The following ROBO2 variants were observed in gnomAD, a reference collection of about 807,000 sequenced individuals.
The protein encoded by ROBO2 is roundabout guidance receptor 2.
ROBO2 carries 53 observed loss-of-function variants against 160.8 expected under a neutral mutation model. The observed-to-expected ratio is 0.33, with a 90% CI of 0.26 to 0.41. The LOEUF (loss-of-function observed/expected upper bound fraction) is 0.41, where lower values mean the gene tolerates loss of function less well. ROBO2 is among the 10% of genes least tolerant of loss of function. ROBO2 has a pLI of 1.00. For synonymous variants in ROBO2, 664 were observed against 611.7 expected (o/e 1.09, Z -1.26); for missense variants, 1,577 against 1,722.4 (o/e 0.92, Z 1.49).
chr3:77,615,289 A>G (rs2094746531), intron 21 of ROBO2, among the ~76,000 whole-genome samples: 1 of 152,160 alleles, frequency 6.6e-6, no homozygotes, highest in Non-Finnish European at 1.5e-5. Flanking sequence ...CCAACTATCA[A>G]GGTTCTCCAC....
chr3:77,031,678 TTAATG>T (rs1433458280), intron 2 of ROBO2, among the ~76,000 whole-genome samples: 1 of 146,826 alleles, frequency 6.8e-6, no homozygotes, highest in Non-Finnish European at 1.5e-5. Context: ...TATATTAAAT[TTAATG>T]TAATTAATTA....
chr3:77,378,240 G>A (rs544679013), intron 2 of ROBO2, among the ~76,000 whole-genome samples: 1 of 152,216 alleles, frequency 6.6e-6, no homozygotes, highest in East Asian at 1.9e-4. Context: ...TCCCTAACTT[G>A]AAGGTTCAGC....
At chr3:76,719,105 A>G (rs1226134302) in intron 2 of ROBO2, among the ~76,000 whole-genome samples, 1 of 152,178 alleles carries the variant, frequency 6.6e-6, no homozygotes, top group Non-Finnish European at 1.5e-5. Context: ...TTAATTTTAG[A>G]GATAGAAAAT....
chr3:77,329,791 A>G (rs1367787197), intron 2 of ROBO2, among the ~76,000 whole-genome samples: 1 of 152,190 alleles, frequency 6.6e-6, no homozygotes, highest in African/African-American at 2.4e-5. Flanking sequence ...TGTGTTGACC[A>G]GATTATAACC....
chr3:76,123,273 A>AT (rs1431544931), intron 2 of ROBO2, among the ~76,000 whole-genome samples: 2 of 151,982 alleles, frequency 1.3e-5, no homozygotes, highest in Non-Finnish European at 1.5e-5. Context: ...ATTTTTCCCT[A>AT]TTTTTTACTC....
chr3:77,420,335 G>A (rs1231272888), intron 2 of ROBO2, among the ~76,000 whole-genome samples: 7 of 151,950 alleles, frequency 4.6e-5, no homozygotes, highest in Middle Eastern at 6.8e-3. Flanking sequence ...AAGCCTGAAT[G>A]TGTGTATGCA....
intron 2 of ROBO2, among the ~76,000 whole-genome samples, chr3:76,737,960 C>T (rs886492626): frequency 6.6e-6 from 1 of 151,902 alleles, no homozygotes; most frequent in African/African-American, 2.4e-5. Flanking sequence ...GTGGGAGACC[C>T]CACCTCTACA....
At chr3:75,945,551 A>G (rs1220447656) in intron 2 of ROBO2, among the ~76,000 whole-genome samples, 2 of 151,734 alleles carry the variant, frequency 1.3e-5, no homozygotes, top group Non-Finnish European at 2.9e-5. Context: ...TTAAACGGTC[A>G]CTATTGAAGA....
At chr3:76,224,450 T>C (rs1704161327) in intron 2 of ROBO2, among the ~76,000 whole-genome samples, 1 of 152,178 alleles carries the variant, frequency 6.6e-6, no homozygotes. Context: ...GGAGAAAATT[T>C]ACCCTTTCTC....
intron 2 of ROBO2, among the ~76,000 whole-genome samples, chr3:76,445,640 A>G (rs1479933123): frequency 6.6e-6 from 1 of 152,210 alleles, no homozygotes; most frequent in East Asian, 1.9e-4. Flanking sequence ...AAAATCCTCA[A>G]TAAAATACTG....
chr3:77,528,738 T>G (rs2091399648), intron 6 of ROBO2, among the ~76,000 whole-genome samples: 1 of 151,638 alleles, frequency 6.6e-6, no homozygotes, highest in Non-Finnish European at 1.5e-5. Context: ...TTCTGAGGCA[T>G]GACTTCACAT....
chr3:77,374,944 C>T (rs2072416517), intron 2 of ROBO2, among the ~76,000 whole-genome samples: 1 of 152,218 alleles, frequency 6.6e-6, no homozygotes, highest in Admixed American at 6.5e-5. Context: ...CATGCTGGCT[C>T]ATACCTGTAA....
chr3:76,967,492 CCACCGCA>C (rs1469119969), intron 2 of ROBO2, among the ~76,000 whole-genome samples: 1 of 146,554 alleles, frequency 6.8e-6, no homozygotes, highest in Non-Finnish European at 1.5e-5. Flanking sequence ...CAGTCATAAG[CCACCGCA>C]CCTGGCCAGC....
intron 1 of ROBO2, among the ~76,000 whole-genome samples, chr3:77,090,601 G>T (rs771549216): frequency 6.6e-6 from 1 of 151,802 alleles, no homozygotes; most frequent in Non-Finnish European, 1.5e-5. Flanking sequence ...TGATCTGCCC[G>T]CCTCGGCCTC....
intron 2 of ROBO2, among the ~76,000 whole-genome samples, chr3:77,260,136 C>T (rs957050482): frequency 2.6e-5 from 4 of 151,990 alleles, no homozygotes; most frequent in East Asian, 3.9e-4. Context: ...AGGTGGTCAT[C>T]GAGACTAGGA....
chr3:76,802,516 C>G (rs1490204166), intron 2 of ROBO2, among the ~76,000 whole-genome samples: 1 of 152,064 alleles, frequency 6.6e-6, no homozygotes, highest in Non-Finnish European at 1.5e-5. Context: ...ATCACAAAGT[C>G]AGGAGATTGA....
intron 2 of ROBO2, among the ~76,000 whole-genome samples, chr3:77,431,121 C>G (rs1440336468): frequency 2.0e-5 from 3 of 152,332 alleles, no homozygotes; most frequent in African/African-American, 7.2e-5. Context: ...AACAGACTCA[C>G]AAAGTAACTG....
chr3:77,330,468 A>G (rs1390975624), intron 2 of ROBO2, among the ~76,000 whole-genome samples: 1 of 152,234 alleles, frequency 6.6e-6, no homozygotes, highest in African/African-American at 2.4e-5. Context: ...CTTTCAGCTA[A>G]GATCACACCA....
intron 2 of ROBO2, among the ~76,000 whole-genome samples, chr3:76,504,295 C>T (rs1004578567): frequency 3.9e-5 from 6 of 152,178 alleles, no homozygotes; most frequent in African/African-American, 1.4e-4. Context: ...AAAACACTCA[C>T]TGTGACTTGA....
Sources: allele counts gnomAD v4.1 joint callset (sites outside exome capture counted in the v4.1 genomes callset), GRCh38; gene constraint gnomAD v4.1.1; transcripts MANE v1.5; gene names NCBI Gene and HGNC (gene_info 2026-07-23, HGNC 2026-07-21).